The following ABLIM3 variants were observed in gnomAD, a reference collection of about 807,000 sequenced individuals.
ABLIM3 encodes actin-binding LIM protein 3.
Under a neutral mutation model 109.5 loss-of-function variants are expected in ABLIM3, and 61 were observed. The ratio of observed to expected loss-of-function variants is 0.56; its 90% CI spans 0.45 to 0.69. The LOEUF (loss-of-function observed/expected upper bound fraction) is 0.69, where lower values mean the gene tolerates loss of function less well. ABLIM3 is among the 30% of genes least tolerant of loss of function. The pLI is 0.00. For synonymous variants in ABLIM3, 300 were observed against 324.8 expected (o/e 0.92, Z 0.82); for missense variants, 796 against 889.5 (o/e 0.89, Z 1.34).
At chr5:149,205,919 T>C (rs1758919966) in intron 5 of ABLIM3, among the ~76,000 whole-genome samples, 2 of 152,188 alleles carry the variant, frequency 1.3e-5, no homozygotes, top group Admixed American at 6.5e-5. Flanking sequence ...CATCTTTTCT[T>C]CTAGGACAGG....
chr5:149,220,996 T>C (rs1760592605), intron 8 of ABLIM3: 1 of 152,190 alleles, frequency 6.6e-6, no homozygotes, highest in Non-Finnish European at 1.5e-5. Context: ...TGACAAGCTG[T>C]GACAAGTGCT....
Position 149,173,488 on chromosome 5 carries a change from C to A in ABLIM3, c.14-9964C>A, listed in dbSNP as rs370824822. ...CTGGTGTGGCCAGCATCATAGAGAC[C>A]CTGAGCCACAGGGCTGCATCTGTCA... On this transcript the variant is annotated intron_variant, in intron 2 of 23. Coordinates refer to ENST00000309868, the MANE Select transcript of ABLIM3 (RefSeq NM_014945.5). Among the ~76,000 whole-genome samples the A allele has an allele frequency of 9.9e-5, 15 of 152,068 alleles. 1 individual carries two copies. The highest frequency in any genetic ancestry group is 5.9e-4 in the Admixed American group (9 of 15,264).
chr5:149,141,741 T>A, intron 1 of ABLIM3, 87 bp downstream of exon 1: 1 of 294,962 alleles, frequency 3.4e-6, no homozygotes. Flanking sequence ...ACACCCCCTT[T>A]GGGCTCCGGA....
intron 21 of ABLIM3, among the ~76,000 whole-genome samples, chr5:149,251,879 C>T (rs2127573805): frequency 6.6e-6 from 1 of 152,340 alleles, no homozygotes; most frequent in South Asian, 2.1e-4. Flanking sequence ...TTGAAGGATT[C>T]CCCACAGAAG....
At chr5:149,225,521 T>G (rs1439560388) in intron 8 of ABLIM3, among the ~76,000 whole-genome samples, 3 of 152,308 alleles carry the variant, frequency 2.0e-5, no homozygotes, top group Non-Finnish European at 4.4e-5. Flanking sequence ...AATATTCCAT[T>G]TTTGGATCTA....
At chr5:149,239,131 A>G in intron 11 of ABLIM3, 117 bp from the exon 12 acceptor site, 1 of 988,562 alleles carries the variant, frequency 1.0e-6, no homozygotes, top group Non-Finnish European at 1.6e-6. Flanking sequence ...AGGGGTACAA[A>G]GGAACTGCTG....
At chr5:149,172,058 T>C (rs1308038801) in intron 2 of ABLIM3, among the ~76,000 whole-genome samples, 1 of 152,236 alleles carries the variant, frequency 6.6e-6, no homozygotes, top group African/African-American at 2.4e-5. Context: ...TAATCACAAA[T>C]GACTAATGGC....
chr5:149,210,436 A>C (rs1345865158), intron 6 of ABLIM3, among the ~76,000 whole-genome samples: 1 of 152,230 alleles, frequency 6.6e-6, no homozygotes, highest in Admixed American at 6.5e-5. Flanking sequence ...GCTATTAGTC[A>C]TAGGGGGTGG....
At chr5:149,246,449 A>G (rs1039776349) in intron 16 of ABLIM3, 33 bp from the exon 17 acceptor site, 3 of 1,608,064 alleles carry the variant, frequency 1.9e-6, no homozygotes, top group African/African-American at 1.3e-5. Context: ...TGGGGTGCAC[A>G]TGCCGGAGCT....
At chr5:149,152,344 G>A (rs186709271) in intron 2 of ABLIM3, among the ~76,000 whole-genome samples, 155 of 152,310 alleles carry the variant, frequency 1.0e-3, no homozygotes, top group African/African-American at 3.6e-3. Flanking sequence ...TGTGGAAGCT[G>A]CAGCACATCT....
At chr5:149,238,354 C>T (rs1752449308) in intron 11 of ABLIM3, among the ~76,000 whole-genome samples, 1 of 152,098 alleles carries the variant, frequency 6.6e-6, no homozygotes, top group Non-Finnish European at 1.5e-5. Flanking sequence ...TGTCCCAGCT[C>T]CACCATAACT....
chr5:149,191,306 G>C (rs986877483), intron 3 of ABLIM3, among the ~76,000 whole-genome samples: 3 of 152,090 alleles, frequency 2.0e-5, no homozygotes, highest in Admixed American at 6.5e-5. Context: ...AACAATTTGA[G>C]TAATAAATTT....
At chr5:149,239,696 GA>G in intron 12 of ABLIM3, 62 bp from the exon 13 acceptor site, 1 of 1,515,094 alleles carries the variant, frequency 6.6e-7, no homozygotes, top group Non-Finnish European at 8.8e-7. Flanking sequence ...CTGCCTGCTA[GA>G]CCCTCGGGCC....
intron 13 of ABLIM3, 30 bp downstream of exon 13, chr5:149,239,918 G>A (rs376680150): frequency 3.8e-6 from 6 of 1,580,000 alleles, no homozygotes; most frequent in Admixed American, 1.8e-5. Context: ...TGAAGGGAGA[G>A]GAAGAGCCAG....
At chr5:149,258,186 G>A (rs758158570) in intron 23 of ABLIM3, 105 bp from the exon 24 acceptor site, 33 of 929,638 alleles carry the variant, frequency 3.5e-5, no homozygotes, top group Non-Finnish European at 5.1e-5. Flanking sequence ...GTGCCCAGAG[G>A]GAACATGCAG....
At position 149,187,985 on chromosome 5, in the gene ABLIM3, C is replaced by T. The variant is rs754263872; in HGVS notation, c.151+4396C>T. On this transcript the variant is annotated intron_variant, in intron 3 of 23. Coordinates refer to ENST00000309868, the MANE Select transcript of ABLIM3 (RefSeq NM_014945.5). ...CTCACCTTTGCTCCATCTGTAAGGG[C>T]GCACCGTTCTATAGTAATAACTTGC... 8.5e-4 allele frequency among the ~76,000 whole-genome samples: 129 copies of T among 152,250 alleles called. 1 individual carries two copies. Among genetic ancestry groups the T allele is most frequent in the Non-Finnish European group, 9.1e-4 (62 of 68,014 alleles).
At chr5:149,216,808 GGTT>G (rs1241034728) in intron 7 of ABLIM3, 148 bp from the exon 8 acceptor site, 1 of 630,718 alleles carries the variant, frequency 1.6e-6, no homozygotes, top group Non-Finnish European at 2.8e-6. Flanking sequence ...TCTTTTAGAT[GGTT>G]GTGGACTCCC....
At position 149,208,460 on chromosome 5, in the gene ABLIM3, G is replaced by A. The variant is rs149591264; in HGVS notation, c.575+1326G>A. ...TCTGTCTCTGTCCCTGTCTTTCTCTGCTGTCTTCATGGTGGATTAGTTCTC... is the reference window on the plus strand; with the variant it reads ...TCTGTCTCTGTCCCTGTCTTTCTCTACTGTCTTCATGGTGGATTAGTTCTC... On this transcript the variant is annotated intron_variant, in intron 6 of 23. Coordinates refer to ENST00000309868, the MANE Select transcript of ABLIM3 (RefSeq NM_014945.5). Among the ~76,000 whole-genome samples, 113 of 148,472 alleles carry A rather than the reference G, an allele frequency of 7.6e-4. 1 individual carries two copies. In the East Asian group the frequency reaches 0.021, roughly 27 times the overall value.
At chr5:149,214,648 G>C (rs759474166) in intron 7 of ABLIM3, among the ~76,000 whole-genome samples, 1 of 152,162 alleles carries the variant, frequency 6.6e-6, no homozygotes, top group Non-Finnish European at 1.5e-5. Context: ...AACAACAGTC[G>C]CCCAAGCACA....
Sources: gnomAD v4.1 joint callset for allele counts (sites outside exome capture counted in the v4.1 genomes callset) on GRCh38, gnomAD v4.1.1 for gene constraint, MANE v1.5 for transcripts, NCBI Gene and HGNC (gene_info 2026-07-23, HGNC 2026-07-21) for gene names.